Variants in ADAMTS16 observed in about 807,000 individuals in gnomAD.
ADAMTS16 encodes the protein ADAM metallopeptidase with thrombospondin type 1 motif 16.
Under a neutral mutation model 145.8 loss-of-function variants are expected in ADAMTS16, and 94 were observed. The ratio of observed to expected loss-of-function variants is 0.64; its 90% CI spans 0.55 to 0.77. ADAMTS16 has a LOEUF of 0.77. ADAMTS16 is among the 30% of genes least tolerant of loss of function. The pLI, the probability that ADAMTS16 is intolerant of heterozygous loss-of-function variation, is 0.00. For missense variants in ADAMTS16, 1,585 were observed against 1,591.5 expected, an observed-to-expected ratio of 1.00 and a Z score of 0.07; for synonymous variants, 659 against 604.3, an observed-to-expected ratio of 1.09 and a Z score of -1.33.
intron 11 of ADAMTS16, among the ~76,000 whole-genome samples, chr5:5,231,074 C>T (rs1320526232): frequency 6.6e-6 from 1 of 152,208 alleles, no homozygotes; most frequent in Non-Finnish European, 1.5e-5. Context: ...ACAACCGGTG[C>T]AACCTCACTC....
At chr5:5,183,303 A>T (rs550318553) in intron 4 of ADAMTS16, among the ~76,000 whole-genome samples, 169 of 152,266 alleles carry the variant, frequency 1.1e-3, no homozygotes, top group Non-Finnish European at 6.9e-4. Context: ...AGAGTTGGGA[A>T]TCCTGAGGTT....
At chr5:5,187,860 C>A in intron 6 of ADAMTS16, 52 bp downstream of exon 6, 2 of 1,212,696 alleles carry the variant, frequency 1.6e-6, no homozygotes, top group Non-Finnish European at 2.4e-6. Flanking sequence ...AAAATAAATG[C>A]AAAATAATGC....
chr5:5,257,868 A>G (rs2964403), intron 17 of ADAMTS16, among the ~76,000 whole-genome samples: 145,587 of 152,244 alleles, frequency 0.96, 69,830 homozygotes, highest in Non-Finnish European at 1. Flanking sequence ...GGTACCCACA[A>G]CTTGCCTACA....
At chr5:5,190,525 T>C (rs930682845) in intron 7 of ADAMTS16, among the ~76,000 whole-genome samples, 2 of 152,026 alleles carry the variant, frequency 1.3e-5, no homozygotes, top group Non-Finnish European at 2.9e-5. Context: ...TTTTTTCCCT[T>C]CTCTCTCTGT....
At chr5:5,241,625 A>G (rs1477518403) in intron 16 of ADAMTS16, among the ~76,000 whole-genome samples, 1 of 152,210 alleles carries the variant, frequency 6.6e-6, no homozygotes, top group Non-Finnish European at 1.5e-5. Flanking sequence ...GGGATCCCTC[A>G]GATGCAGGGA....
At chr5:5,312,448 ATTT>A (rs11458204) in intron 21 of ADAMTS16, among the ~76,000 whole-genome samples, 3 of 134,428 alleles carry the variant, frequency 2.2e-5, no homozygotes, top group African/African-American at 8.3e-5. Context: ...TGTTGTTGTT[ATTT>A]TTTTTTTTTT....
intron 3 of ADAMTS16, among the ~76,000 whole-genome samples, chr5:5,173,265 A>G (rs1735096893): frequency 6.6e-6 from 1 of 151,530 alleles, no homozygotes. Flanking sequence ...ATTATTGATA[A>G]GTAAGGACTT....
At chr5:5,191,207 A>G (rs1363685005) in intron 7 of ADAMTS16, among the ~76,000 whole-genome samples, 1 of 152,184 alleles carries the variant, frequency 6.6e-6, no homozygotes, top group Admixed American at 6.5e-5. Context: ...CATATTAAAT[A>G]ATAACCATGA....
At chr5:5,300,307 G>A (rs1207418693) in intron 18 of ADAMTS16, among the ~76,000 whole-genome samples, 10 of 152,134 alleles carry the variant, frequency 6.6e-5, no homozygotes, top group Admixed American at 6.5e-4. Flanking sequence ...GGCTTTACAT[G>A]GAGAATTATC....
chr5:5,314,998 C>T (rs989857008), intron 21 of ADAMTS16, among the ~76,000 whole-genome samples: 5 of 152,150 alleles, frequency 3.3e-5, no homozygotes, highest in East Asian at 1.9e-4. Context: ...CCCATTCTCA[C>T]GCTGCTAATG....
In ADAMTS16 at chr5:5,319,155, G is replaced by A. The variant is rs201958971; in HGVS notation, c.*17G>A. The A allele has an allele frequency of 1.4e-3, 2,273 of 1,577,646 alleles. 4 individuals carry two copies. The highest frequency in any genetic ancestry group is 1.8e-3 in the Non-Finnish European group (2,107 of 1,154,002). Reference sequence around the variant, plus strand: ...AACTTGTGAGTTGGGACCGCTCTCCGTAGCAGAGAAAGTGCCTGCGTGGCA... The same window carrying A: ...AACTTGTGAGTTGGGACCGCTCTCCATAGCAGAGAAAGTGCCTGCGTGGCA... On this transcript the variant is annotated 3_prime_UTR_variant, in exon 23 of 23. Transcript: ENST00000274181.
intron 18 of ADAMTS16, among the ~76,000 whole-genome samples, chr5:5,289,475 G>A (rs540229343): frequency 6.6e-6 from 1 of 152,190 alleles, no homozygotes; most frequent in Non-Finnish European, 1.5e-5. Flanking sequence ...CCCAACAATG[G>A]GGTCATTTGT....
chr5:5,309,719 G>A (rs1331482331), intron 21 of ADAMTS16, among the ~76,000 whole-genome samples: 1 of 152,056 alleles, frequency 6.6e-6, no homozygotes, highest in Non-Finnish European at 1.5e-5. Context: ...TGTGCTTCCT[G>A]GCTGCTGACC....
chr5:5,141,569 G>A (rs1306149372), intron 2 of ADAMTS16, among the ~76,000 whole-genome samples: 1 of 152,116 alleles, frequency 6.6e-6, no homozygotes, highest in Admixed American at 6.5e-5. Context: ...ATATTATTTT[G>A]CATTGTTACC....
At chr5:5,179,638 G>A (rs774146465) in intron 3 of ADAMTS16, among the ~76,000 whole-genome samples, 11 of 152,148 alleles carry the variant, frequency 7.2e-5, no homozygotes, top group Non-Finnish European at 1.6e-4. Context: ...TTGTGTCTTC[G>A]TTTAGTTCCC....
intron 3 of ADAMTS16, among the ~76,000 whole-genome samples, chr5:5,151,955 T>A (rs1734475913): frequency 6.6e-6 from 1 of 152,166 alleles, no homozygotes; most frequent in African/African-American, 2.4e-5. Context: ...TTCTATGTAT[T>A]CAACTTCTTT....
At chr5:5,140,930 A>G (rs1256505419) in intron 2 of ADAMTS16, among the ~76,000 whole-genome samples, 164 bp downstream of exon 2, 1 of 151,782 alleles carries the variant, frequency 6.6e-6, no homozygotes, top group Non-Finnish European at 1.5e-5. Context: ...GCGAGCCCCG[A>G]TGAGTGGATT....
rs1177026357 is a variant in ADAMTS16 at position 5,310,625 on chromosome 5, G to A, written c.3411+3897G>A. Among the ~76,000 whole-genome samples the A allele has an allele frequency of 6.6e-6, 1 of 152,162 alleles. No homozygotes were observed. Among genetic ancestry groups the A allele is most frequent in the Admixed American group, 6.5e-5 (1 of 15,276 alleles). On this transcript the variant is annotated intron_variant, in intron 21 of 22. Coordinates refer to ENST00000274181, the MANE Select transcript of ADAMTS16 (RefSeq NM_139056.4). This position sits in a 1 kb window ranked among gnomAD's most constrained non-coding sequence, Gnocchi z 4.3. ...ATGGGTGACAGAGGCAGGCATCGGA[G>A]TGGTGCCCATATGACAAAGAACACC... is the stretch of plus-strand genomic sequence containing the variant.
Position 5,239,789 on chromosome 5 carries a change from A to T in ADAMTS16, c.2387A>T (p.Tyr796Phe). ...GTGCGCAATGCCCTCAGAAGGTACT[A>T]CCTGAATGGGCACTGGACCGTGGAC... ...ISVRNALRRY[Y>F]LNGHWTVDWP... Residue 796 changes from tyrosine to phenylalanine, a missense_variant, in exon 16 of 23, where the codon TAC becomes TTC. Physicochemically the swap from Tyr to Phe is conservative, Grantham distance 22. This residue lies in a region of ADAMTS16 where 834 missense variants were observed against 811.7 expected (regional missense o/e 1.03). Transcript: ENST00000274181. The T allele has an allele frequency of 3.1e-6, 5 of 1,614,106 alleles. No individual in the cohort carries two copies. The highest frequency in any genetic ancestry group is 4.2e-6 in the Non-Finnish European group (5 of 1,180,038).
Sources: gnomAD v4.1 joint callset for allele counts (sites outside exome capture counted in the v4.1 genomes callset) on GRCh38, gnomAD v4.1.1 for gene constraint, gnomAD v4.1.1 regional missense constraint, Gnocchi (gnomAD v3.1) non-coding constraint, MANE v1.5 for transcripts, NCBI Gene and HGNC (gene_info 2026-07-23, HGNC 2026-07-21) for gene names.